The following MACROD2 variants were observed in gnomAD, a reference collection of about 807,000 sequenced individuals.
MACROD2 encodes mono-ADP ribosylhydrolase 2.
MACROD2 carries 36 observed loss-of-function variants against 70.4 expected under a neutral mutation model. The ratio of observed to expected loss-of-function variants is 0.51; its 90% CI spans 0.39 to 0.68. The LOEUF is 0.68. MACROD2 is among the 30% of genes least tolerant of loss of function. The probability of loss-of-function intolerance (pLI) is 0.00; values close to 1 mark genes in which losing one functional copy is unlikely to be tolerated. For missense variants in MACROD2, 496 were observed against 538.4 expected, an observed-to-expected ratio of 0.92 and a Z score of 0.78; for synonymous variants, 172 against 178.8, an observed-to-expected ratio of 0.96 and a Z score of 0.30.
chr20:14,969,551 GT>G (rs2074671710), intron 5 of MACROD2, among the ~76,000 whole-genome samples: 1 of 151,976 alleles, frequency 6.6e-6, no homozygotes, highest in Non-Finnish European at 1.5e-5. Flanking sequence ...CTAGTAAAAT[GT>G]TGAGTCTCTT....
intron 8 of MACROD2, among the ~76,000 whole-genome samples, chr20:15,831,606 C>G (rs1178261051): frequency 6.6e-6 from 1 of 152,158 alleles, no homozygotes; most frequent in Non-Finnish European, 1.5e-5. Flanking sequence ...CCCTGCCCAG[C>G]TTGGAGGTTC....
At position 15,906,029 on chromosome 20, in the gene MACROD2, C is replaced by A. The variant is rs147564177; in HGVS notation, c.775+20218C>A. ...TTCTCAATTCTCCATCCTGAGAATT[C>A]CCCACTGGCTTCTAACAATCTTTGC... is the stretch of plus-strand genomic sequence containing the variant. On this transcript the variant is annotated intron_variant, in intron 10 of 17. Coordinates refer to ENST00000684519, the MANE Select transcript of MACROD2 (RefSeq NM_001351661.2). Among the ~76,000 whole-genome samples, 11 of 152,332 alleles carry A rather than the reference C, an allele frequency of 7.2e-5. 1 individual carries two copies. The highest frequency in any genetic ancestry group is 2.4e-4 in the African/African-American group (10 of 41,580).
chr20:14,871,282 C>G (rs923701644), intron 5 of MACROD2, among the ~76,000 whole-genome samples: 1 of 152,042 alleles, frequency 6.6e-6, no homozygotes, highest in Non-Finnish European at 1.5e-5. Context: ...GTTAGGTCAC[C>G]TATAAAGGGA....
chr20:14,115,619 G>A (rs914246933), intron 3 of MACROD2, among the ~76,000 whole-genome samples: 5 of 152,030 alleles, frequency 3.3e-5, no homozygotes, highest in Non-Finnish European at 7.4e-5. Context: ...TTTTGGTTGC[G>A]GACAGAGGCA....
chr20:15,113,317 G>T (rs192875371), intron 5 of MACROD2, among the ~76,000 whole-genome samples: 1 of 152,128 alleles, frequency 6.6e-6, no homozygotes, highest in Non-Finnish European at 1.5e-5. Context: ...AATGCCATAT[G>T]TAGCTGATCT....
chr20:15,453,774 G>A (rs2046676803), intron 7 of MACROD2, among the ~76,000 whole-genome samples: 1 of 152,104 alleles, frequency 6.6e-6, no homozygotes, highest in Non-Finnish European at 1.5e-5. Context: ...GTCCTAAAAA[G>A]CACCATGCAT....
intron 8 of MACROD2, among the ~76,000 whole-genome samples, chr20:15,618,093 GTC>G (rs2049064326): frequency 1.6e-5 from 1 of 60,630 alleles, no homozygotes; most frequent in Non-Finnish European, 3.2e-5. Flanking sequence ...GCCATCATTA[GTC>G]TTTTTTTTTT....
Position 14,378,262 on chromosome 20 carries a change from A to G in MACROD2, c.272-115217A>G, listed in dbSNP as rs144259457. Reference sequence around the variant, plus strand: ...GTGAGTGCTAAGGTGCACTACACAGATTCCCTTTTGAGAGTAGAGCATTCA... The same window carrying G: ...GTGAGTGCTAAGGTGCACTACACAGGTTCCCTTTTGAGAGTAGAGCATTCA... On this transcript the variant is annotated intron_variant, in intron 3 of 17. Coordinates refer to ENST00000684519, the MANE Select transcript of MACROD2 (RefSeq NM_001351661.2). Among the ~76,000 whole-genome samples the G allele has an allele frequency of 9.2e-5, 14 of 152,304 alleles. No homozygotes were observed. In the East Asian group the frequency reaches 2.1e-3, roughly 23 times the overall value.
chr20:15,170,106 T>C (rs190941165), intron 5 of MACROD2, among the ~76,000 whole-genome samples: 16 of 152,340 alleles, frequency 1.1e-4, no homozygotes, highest in African/African-American at 3.6e-4. Flanking sequence ...GGTTTATTCT[T>C]GTAATTTATT....
intron 8 of MACROD2, among the ~76,000 whole-genome samples, chr20:15,646,483 A>ATT (rs376823424): frequency 6.6e-6 from 1 of 152,270 alleles, no homozygotes; most frequent in Non-Finnish European, 1.5e-5. Context: ...TATGACTCCT[A>ATT]TTTTACAAAA....
intron 13 of MACROD2, among the ~76,000 whole-genome samples, chr20:15,979,257 C>A (rs1321596852): frequency 6.6e-6 from 1 of 152,154 alleles, no homozygotes; most frequent in African/African-American, 2.4e-5. Flanking sequence ...GTTCCACATG[C>A]TTTCCATTCA....
intron 4 of MACROD2, among the ~76,000 whole-genome samples, chr20:14,545,423 C>T (rs1022391457): frequency 6.6e-6 from 1 of 152,168 alleles, no homozygotes; most frequent in Non-Finnish European, 1.5e-5. Context: ...GGATCAGATT[C>T]AGCTGTAACC....
intron 3 of MACROD2, among the ~76,000 whole-genome samples, chr20:14,337,964 C>A (rs1050986989): frequency 1.3e-5 from 2 of 152,098 alleles, no homozygotes; most frequent in Non-Finnish European, 2.9e-5. Context: ...TATTTTTAAA[C>A]CATCTGTATT....
chr20:14,451,785 A>C (rs920627081), intron 3 of MACROD2, among the ~76,000 whole-genome samples: 1 of 152,138 alleles, frequency 6.6e-6, no homozygotes, highest in African/African-American at 2.4e-5. Flanking sequence ...ATATGGGAGG[A>C]GCGTCCAGTG....
intron 4 of MACROD2, among the ~76,000 whole-genome samples, chr20:14,519,164 C>A (rs2085136935): frequency 6.6e-6 from 1 of 152,116 alleles, no homozygotes; most frequent in Non-Finnish European, 1.5e-5. Context: ...TCTTTTACCT[C>A]CCAACACAGT....
At chr20:15,233,969 TTATATATATTTATTTATATA>T (rs2076983457) in intron 6 of MACROD2, among the ~76,000 whole-genome samples, 1 of 56,118 alleles carries the variant, frequency 1.8e-5, no homozygotes, top group African/African-American at 7.9e-5. Context: ...AAATTTATTT[TTATATATATTTATTTATATA>T]TATATATATA....
At chr20:15,030,711 C>T (rs1243199823) in intron 5 of MACROD2, among the ~76,000 whole-genome samples, 1 of 151,192 alleles carries the variant, frequency 6.6e-6, no homozygotes, top group Non-Finnish European at 1.5e-5. Flanking sequence ...GGCAGAGATT[C>T]CAGATAATGC....
rs190466302 is a variant in MACROD2 at position 14,774,465 on chromosome 20, G to A, written c.418+89506G>A. On this transcript the variant is annotated intron_variant, in intron 5 of 17. Coordinates refer to ENST00000684519, the MANE Select transcript of MACROD2 (RefSeq NM_001351661.2). ...AAAATCATTAAACACCAGTGAGTAAGGGAACAGAGTCTTCTTGAATTCTGA... is the reference window on the plus strand; with the variant it reads ...AAAATCATTAAACACCAGTGAGTAAAGGAACAGAGTCTTCTTGAATTCTGA... Among the ~76,000 whole-genome samples the A allele has an allele frequency of 7.2e-5, 11 of 152,124 alleles. No individual in the cohort carries two copies. The East Asian group carries it at 1.7e-3, about 24-fold the overall frequency.
chr20:15,310,634 C>CCA lies in MACROD2; in HGVS notation c.540+80580_540+80581dup, dbSNP rs149327473. Among the ~76,000 whole-genome samples, 59 of 152,148 alleles carry CCA rather than the reference C, an allele frequency of 3.9e-4. 1 individual carries two copies. The East Asian group carries it at 0.01, about 27-fold the overall frequency. ...GTGAGGATTGAGAAAATACATATTG[C>CCA]CACACACATGCATGAACTTGAAGGA... On this transcript the variant is annotated intron_variant, in intron 6 of 17. Transcript: ENST00000684519.
Sources: gnomAD v4.1 joint callset for allele counts (sites outside exome capture counted in the v4.1 genomes callset) on GRCh38, gnomAD v4.1.1 for gene constraint, MANE v1.5 for transcripts, NCBI Gene and HGNC (gene_info 2026-07-23, HGNC 2026-07-21) for gene names.